Variants in ZNF277 observed in about 807,000 individuals in gnomAD.
ZNF277 encodes the protein nuclear receptor-interacting factor 4.
A neutral mutation model predicts 60.7 loss-of-function variants in ZNF277; 55 were observed. The observed-to-expected ratio is 0.91, with a 90% CI of 0.73 to 1.13. The LOEUF is 1.13. Ranked by LOEUF, ZNF277 falls within the 50% of genes most tolerant of loss-of-function variation. The probability of loss-of-function intolerance (pLI) is 0.00; values close to 1 mark genes in which losing one functional copy is unlikely to be tolerated. For synonymous variants in ZNF277, 178 were observed against 179.3 expected (o/e 0.99, Z 0.06); for missense variants, 510 against 523.0 (o/e 0.98, Z 0.24).
chr7:112,326,740 TG>T (rs1012404934), intron 5 of ZNF277, among the ~76,000 whole-genome samples: 7 of 151,740 alleles, frequency 4.6e-5, no homozygotes, highest in Middle Eastern at 3.4e-3. Flanking sequence ...AACATTTTTT[TG>T]GGGGGGGACC....
At chr7:112,224,494 A>G (rs80135735) in intron 1 of ZNF277, among the ~76,000 whole-genome samples, 2,667 of 152,240 alleles carry the variant, frequency 0.018, 86 homozygotes, top group African/African-American at 0.062. Context: ...GTCAAGAAAT[A>G]GGTTGGAGGG....
At chr7:112,310,826 T>C (rs924438840) in intron 4 of ZNF277, among the ~76,000 whole-genome samples, 1 of 152,098 alleles carries the variant, frequency 6.6e-6, no homozygotes, top group Admixed American at 6.6e-5. Context: ...CTGCTGCCTT[T>C]AAGCTGGTTT....
At chr7:112,247,109 A>G (rs1209021620) in intron 1 of ZNF277, among the ~76,000 whole-genome samples, 1 of 152,222 alleles carries the variant, frequency 6.6e-6, no homozygotes, top group Non-Finnish European at 1.5e-5. Context: ...TGTATAAGCC[A>G]GTGAGAATTC....
intron 5 of ZNF277, among the ~76,000 whole-genome samples, chr7:112,320,010 G>T (rs1040512479): frequency 2.6e-5 from 4 of 152,046 alleles, no homozygotes; most frequent in Non-Finnish European, 5.9e-5. Flanking sequence ...GACCTAGTGA[G>T]GAGGCATGTG....
chr7:112,282,475 T>C (rs1791969078), intron 1 of ZNF277, among the ~76,000 whole-genome samples: 1 of 152,258 alleles, frequency 6.6e-6, no homozygotes, highest in African/African-American at 2.4e-5. Flanking sequence ...ATTCCTTGAC[T>C]AGTGACTGGC....
intron 1 of ZNF277, among the ~76,000 whole-genome samples, chr7:112,269,246 A>G (rs904063940): frequency 2.0e-5 from 3 of 150,978 alleles, no homozygotes; most frequent in Admixed American, 6.6e-5. Context: ...TGCTGTAAAT[A>G]AAAGACTCTA....
chr7:112,217,628 T>C (rs1388132474), intron 1 of ZNF277, among the ~76,000 whole-genome samples: 1 of 152,206 alleles, frequency 6.6e-6, no homozygotes, highest in Non-Finnish European at 1.5e-5. Flanking sequence ...TAGTTTAACT[T>C]TGAAACAAAG....
intron 5 of ZNF277, among the ~76,000 whole-genome samples, chr7:112,322,089 A>G (rs114696785): frequency 0.014 from 2,118 of 152,174 alleles, 58 homozygotes; most frequent in African/African-American, 0.047. Flanking sequence ...CCCCTGCCCC[A>G]CCAGGATTTG....
intron 1 of ZNF277, among the ~76,000 whole-genome samples, chr7:112,229,868 C>CA (rs1822275982): frequency 6.6e-6 from 1 of 152,200 alleles, no homozygotes; most frequent in South Asian, 2.1e-4. Context: ...AATTCCTAGG[C>CA]AGAGGTCTTT....
chr7:112,320,880 T>G (rs1792963488), intron 5 of ZNF277, among the ~76,000 whole-genome samples: 1 of 151,572 alleles, frequency 6.6e-6, no homozygotes, highest in Non-Finnish European at 1.5e-5. Context: ...TGAATAGGTA[T>G]TTTCTAGTGT....
At chr7:112,220,259 T>G (rs1487100938) in intron 1 of ZNF277, among the ~76,000 whole-genome samples, 3 of 152,218 alleles carry the variant, frequency 2.0e-5, no homozygotes, top group African/African-American at 7.2e-5. Flanking sequence ...GTACAGATCT[T>G]ACAACTCTTT....
intron 7 of ZNF277, among the ~76,000 whole-genome samples, chr7:112,335,748 A>G (rs915651062): frequency 3.9e-5 from 6 of 152,328 alleles, no homozygotes; most frequent in Non-Finnish European, 8.8e-5. Context: ...AAATGTAACA[A>G]TGAACAAAGG....
At chr7:112,304,784 C>T (rs930954390) in intron 4 of ZNF277, among the ~76,000 whole-genome samples, 10 of 152,240 alleles carry the variant, frequency 6.6e-5, no homozygotes, top group African/African-American at 2.4e-4. Flanking sequence ...TAGCCAGCCT[C>T]ACTTTGAAAC....
At chr7:112,334,857 C>G (rs1360571731) in intron 7 of ZNF277, among the ~76,000 whole-genome samples, 6 of 152,118 alleles carry the variant, frequency 3.9e-5, no homozygotes, top group African/African-American at 1.4e-4. Flanking sequence ...AACTTTCTAA[C>G]AAGCATCTTG....
At chr7:112,337,654 C>A (rs1793359063) in intron 8 of ZNF277, 76 bp from the exon 9 acceptor site, 1 of 1,270,030 alleles carries the variant, frequency 7.9e-7, no homozygotes, top group Non-Finnish European at 1.1e-6. Flanking sequence ...AAGGAGAAAG[C>A]AATACCAAGT....
chr7:112,207,518 T>C (rs1041632038), intron 1 of ZNF277, among the ~76,000 whole-genome samples: 2 of 152,176 alleles, frequency 1.3e-5, no homozygotes, highest in Non-Finnish European at 2.9e-5. Flanking sequence ...TTGAAAACCA[T>C]CACAACTTTG....
At chr7:112,251,403 T>G (rs74429431) in intron 1 of ZNF277, among the ~76,000 whole-genome samples, 20,435 of 152,212 alleles carry the variant, frequency 0.13, 1,442 homozygotes, top group East Asian at 0.16. Context: ...TGGAGAGAGT[T>G]CCATAACTTA....
At chr7:112,208,384 C>CA (rs1012963326) in intron 1 of ZNF277, among the ~76,000 whole-genome samples, 31 of 146,796 alleles carry the variant, frequency 2.1e-4, no homozygotes, top group African/African-American at 4.8e-4. Flanking sequence ...AAAAACAAAA[C>CA]AAAAAAAAAG....
rs953691325 is a variant in ZNF277, at chr7:112,222,217, G to C, written c.91+15410G>C. Among the ~76,000 whole-genome samples, 50 of 152,196 alleles carry C rather than the reference G, an allele frequency of 3.3e-4. 2 individuals carry two copies. Among genetic ancestry groups the C allele is most frequent in the Admixed American group, 3.1e-3 (48 of 15,278 alleles). ...GACCTTGTAAAATGAGTTTGGAAGTGGTTCCTCCTCTTCAGTGTTTTGGAA... is the reference window on the plus strand; with the variant it reads ...GACCTTGTAAAATGAGTTTGGAAGTCGTTCCTCCTCTTCAGTGTTTTGGAA... On this transcript the variant is annotated intron_variant, in intron 1 of 11. Transcript: ENST00000361822.
Sources: allele counts gnomAD v4.1 joint callset (sites outside exome capture counted in the v4.1 genomes callset), GRCh38; gene constraint gnomAD v4.1.1; transcripts MANE v1.5; gene names NCBI Gene and HGNC (gene_info 2026-07-23, HGNC 2026-07-21).